IL9: variants seen among roughly 807,000 people sequenced by gnomAD.
IL9 encodes the protein interleukin-9.
IL9 carries 16 observed loss-of-function variants against 12.9 expected under a neutral mutation model. The observed-to-expected ratio is 1.24, with a 90% CI of 0.84 to 1.88. The LOEUF (loss-of-function observed/expected upper bound fraction) is 1.88, where lower values mean the gene tolerates loss of function less well. IL9 is among the 40% of genes most tolerant of loss of function. IL9 has a pLI of 0.00. For missense variants in IL9, 170 were observed against 173.1 expected, an observed-to-expected ratio of 0.98 and a Z score of 0.10; for synonymous variants, 69 against 63.8, an observed-to-expected ratio of 1.08 and a Z score of -0.39.
intron 4 of IL9, among the ~76,000 whole-genome samples, chr5:135,893,232 T>C (rs1762898977): frequency 6.6e-6 from 1 of 152,174 alleles, no homozygotes; most frequent in Admixed American, 6.5e-5. Context: ...GACTAGGGTA[T>C]ATGCTGAAGA....
chr5:135,893,975 T>C, intron 4 of IL9, 45 bp downstream of exon 4: 2 of 1,561,180 alleles, frequency 1.3e-6, no homozygotes, highest in East Asian at 2.3e-5. Context: ...ACCATTCACA[T>C]AGAAATCACC....
rs147808011 is a variant in IL9, at chr5:135,895,470, C to T, written c.153G>A (p.Val51=). The T allele has an allele frequency of 1.6e-4, 256 of 1,613,834 alleles. No individual in the cohort carries two copies. The highest frequency in any genetic ancestry group is 2.0e-4 in the Non-Finnish European group (239 of 1,179,918). The change falls in exon 3 of 5, where the codon GTG becomes GTA. Residue 51 remains valine, a splice_region_variant and synonymous_variant. Transcript: ENST00000274520. ...GAATGCCCAAACAGAGACAACTGGT[C>T]ACCTGCAAGGGAAATTTCAGAGTGA... ...PASKCHCSAN[V]TSCLCLGIPS...
chr5:135,893,997 A>T (rs200402013), intron 4 of IL9, 23 bp downstream of exon 4: 7 of 1,601,964 alleles, frequency 4.4e-6, no homozygotes, highest in Non-Finnish European at 5.1e-6. Flanking sequence ...ACAGGAACAT[A>T]TCACATATGA....
chr5:135,895,812 A>T lies in IL9; in HGVS notation c.5T>A (p.Leu2His). The T allele has an allele frequency of 6.2e-7, 1 of 1,611,936 alleles. No individual in the cohort carries two copies. Among genetic ancestry groups the T allele is most frequent in the Non-Finnish European group, 8.5e-7 (1 of 1,178,582 alleles). ...GGCAGAGGTAAGGACCATGGCCAGA[A>T]GCATCTTGACAGCGGACTGGAGCTC... is the stretch of plus-strand genomic sequence containing the variant. M[L>H]LAMVLTSALL... Residue 2 changes from leucine to histidine, a missense_variant, in exon 1 of 5, where the codon CTT (leucine) becomes CAT (histidine). Transcript: ENST00000274520.
chr5:135,895,614 A>C (rs1333098647), intron 1 of IL9, 24 bp from the exon 2 acceptor site: 14 of 1,613,684 alleles, frequency 8.7e-6, no homozygotes, highest in Non-Finnish European at 1.1e-5. Context: ...AGAGATAAGA[A>C]CCTTTAGTCA....
chr5:135,893,487 C>T (rs531765372), intron 4 of IL9, among the ~76,000 whole-genome samples: 1 of 152,224 alleles, frequency 6.6e-6, no homozygotes, highest in African/African-American at 2.4e-5. Flanking sequence ...TGGCACGCAC[C>T]TGTAATGCCA....
chr5:135,894,820 T>C (rs543489987), intron 3 of IL9, among the ~76,000 whole-genome samples: 1 of 152,306 alleles, frequency 6.6e-6, no homozygotes, highest in South Asian at 2.1e-4. Flanking sequence ...CCATCCTTCC[T>C]GCCGTAGTGG....
chr5:135,892,448 C>T lies in IL9; in HGVS notation c.378G>A (p.Lys126=), dbSNP rs751643624. 2 of 1,613,396 alleles carry T rather than the reference C, an allele frequency of 1.2e-6. No homozygotes were observed. The highest frequency in any genetic ancestry group is 4.5e-5 in the East Asian group (2 of 44,868). ...TTAGNALTFL[K]SLLEIFQKEK... is the part of the protein sequence containing the mutation. ...CTTTCTGGAAAATTTCCAGAAGACT[C>T]TTCAGAAATGTCAGCGCGTTGCCTG... The change falls in exon 5 of 5, where the codon AAG becomes AAA. Residue 126 remains lysine (K), a synonymous_variant. Transcript: ENST00000274520.
intron 4 of IL9, among the ~76,000 whole-genome samples, chr5:135,892,908 G>A (rs1251363626): frequency 6.6e-6 from 1 of 152,192 alleles, no homozygotes; most frequent in Non-Finnish European, 1.5e-5. Context: ...ATGGCTAAGA[G>A]TGGGGCTCTG....
At chr5:135,892,733 TACACACACACACACACACACACAC>T (rs59978451) in intron 4 of IL9, among the ~76,000 whole-genome samples, 2 of 137,772 alleles carry the variant, frequency 1.5e-5, no homozygotes, top group Non-Finnish European at 1.5e-5. Flanking sequence ...CAGGGGTCTT[TACACACACACACACACACACACAC>T]ACACACACAC....
At chr5:135,892,557 G>C in intron 4 of IL9, 47 bp from the exon 5 acceptor site, 1 of 1,568,500 alleles carries the variant, frequency 6.4e-7, no homozygotes, top group South Asian at 1.2e-5. Flanking sequence ...AAATGATGTA[G>C]AGCCAAGCAG....
rs140115692 is a variant in IL9, at chr5:135,892,449, T to G, written c.377A>C (p.Lys126Thr). ...TTTCTGGAAAATTTCCAGAAGACTCTTCAGAAATGTCAGCGCGTTGCCTGC... is the reference window on the plus strand; with the variant it reads ...TTTCTGGAAAATTTCCAGAAGACTCGTCAGAAATGTCAGCGCGTTGCCTGC... ...TTAGNALTFL[K>T]SLLEIFQKEK... The change falls in exon 5 of 5, where the codon AAG becomes ACG. Residue 126 changes from lysine (K) to threonine (T), a missense_variant. Coordinates refer to ENST00000274520, the MANE Select transcript of IL9 (RefSeq NM_000590.2). 2.7e-4 allele frequency: 436 copies of G among 1,613,348 alleles called. No homozygotes were observed. Among genetic ancestry groups the G allele is most frequent in the Non-Finnish European group, 3.4e-4 (403 of 1,179,638 alleles).
At chr5:135,895,352 A>G in intron 3 of IL9, 88 bp downstream of exon 3, 1 of 1,061,262 alleles carries the variant, frequency 9.4e-7, no homozygotes, top group Non-Finnish European at 1.4e-6. Flanking sequence ...AATGTATAAC[A>G]TTAAATATTA....
chr5:135,894,182 A>G, intron 3 of IL9, 31 bp from the exon 4 acceptor site: 2 of 1,601,876 alleles, frequency 1.2e-6, no homozygotes, highest in Non-Finnish European at 1.7e-6. Flanking sequence ...ATTCAAAGAA[A>G]TATTCTGAGG....
chr5:135,893,896 G>T, intron 4 of IL9, 124 bp downstream of exon 4: 1 of 699,556 alleles, frequency 1.4e-6, no homozygotes, highest in African/African-American at 1.8e-5. Context: ...ATTCTTAGAT[G>T]TCTTTTATCA....
chr5:135,894,736 A>G (rs1419898345), intron 3 of IL9, among the ~76,000 whole-genome samples: 1 of 152,210 alleles, frequency 6.6e-6, no homozygotes, highest in Non-Finnish European at 1.5e-5. Flanking sequence ...AGAATAAAGC[A>G]CTGCACCTTG....
In IL9 at chr5:135,895,585, A is replaced by G. The variant is rs763624650; in HGVS notation, c.120T>C (p.Asp40=). Reference sequence around the variant, plus strand: ...CACTGCAGTGGCACTTGGAAGCTGGATCTTCCTAAAGTAGATAGAGAGATA... The same window carrying G: ...CACTGCAGTGGCACTTGGAAGCTGGGTCTTCCTAAAGTAGATAGAGAGATA... The part of the protein sequence containing the change: ...INFLINKMQE[D]PASKCHCSAN... Residue 40 remains aspartate, a synonymous_variant, in exon 2 of 5, where the codon GAT becomes GAC. Coordinates refer to ENST00000274520, the MANE Select transcript of IL9 (RefSeq NM_000590.2). 3.1e-6 allele frequency: 5 copies of G among 1,614,172 alleles called. No individual in the cohort carries two copies. The highest frequency in any genetic ancestry group is 4.2e-6 in the Non-Finnish European group (5 of 1,179,968).
chr5:135,892,572 A>G, intron 4 of IL9, 62 bp from the exon 5 acceptor site: 1 of 1,540,810 alleles, frequency 6.5e-7, no homozygotes, highest in South Asian at 1.3e-5. Context: ...AAGCAGCCCC[A>G]GAAGCCTACC....
In IL9 at chr5:135,892,396, T is replaced by G. The variant is rs754170371; in HGVS notation, c.430A>C (p.Ile144Leu). The change falls in exon 5 of 5, where the codon ATA becomes CTA. Residue 144 changes from isoleucine to leucine, a missense_variant. By Grantham distance (5) the Ile-to-Leu change is conservative. Transcript: ENST00000274520. ...KEKMRGMRGKI is the reference protein window; with the variant it reads ...KEKMRGMRGKL ...GGATAAATAATATTTCATCTTCATA[T>G]CTTGCCTCTCATCCCTCTCATCTTT... is the stretch of plus-strand genomic sequence containing the variant. The G allele has an allele frequency of 6.3e-7, 1 of 1,595,226 alleles. No individual in the cohort carries two copies.
Sources: gnomAD v4.1 joint callset for allele counts (sites outside exome capture counted in the v4.1 genomes callset) on GRCh38, gnomAD v4.1.1 for gene constraint, MANE v1.5 for transcripts, NCBI Gene and HGNC (gene_info 2026-07-23, HGNC 2026-07-21) for gene names.